Variants in CAMKMT observed in about 807,000 individuals in gnomAD.
CAMKMT encodes CaM KMT.
In CAMKMT, 53 loss-of-function variants were observed where a neutral mutation model predicts 48.0. The observed-to-expected ratio is 1.10, with a 90% CI of 0.89 to 1.39. CAMKMT has a LOEUF of 1.39. Among genes scored for constraint, CAMKMT ranks in the 40% most tolerant of loss-of-function variants. CAMKMT has a pLI of 0.00. For synonymous variants in CAMKMT, 165 were observed against 152.3 expected, an observed-to-expected ratio of 1.08 and a Z score of -0.61; for missense variants, 428 against 402.7, an observed-to-expected ratio of 1.06 and a Z score of -0.54.
At chr2:44,755,632 C>T (rs541632987) in intron 9 of CAMKMT, among the ~76,000 whole-genome samples, 4 of 152,202 alleles carry the variant, frequency 2.6e-5, no homozygotes, top group South Asian at 4.1e-4. Flanking sequence ...GTAAATCATT[C>T]GCATGATTTA....
At chr2:44,396,847 T>G (rs1044208353) in intron 3 of CAMKMT, among the ~76,000 whole-genome samples, 4 of 151,596 alleles carry the variant, frequency 2.6e-5, no homozygotes, top group Admixed American at 6.6e-5. Context: ...GATCACAAGG[T>G]CAGGAGATCG....
chr2:44,553,468 C>G (rs1052286889), intron 3 of CAMKMT, among the ~76,000 whole-genome samples: 36 of 151,142 alleles, frequency 2.4e-4, no homozygotes, highest in Non-Finnish European at 4.6e-4. Flanking sequence ...TCAGGTGATT[C>G]TTGTGTCTAA....
chr2:44,506,625 G>T (rs1212237905), intron 3 of CAMKMT, among the ~76,000 whole-genome samples: 2 of 152,122 alleles, frequency 1.3e-5, no homozygotes, highest in Non-Finnish European at 2.9e-5. Flanking sequence ...GGGACTCTAT[G>T]AATACAGATA....
At position 44,398,552 on chromosome 2, in the gene CAMKMT, T is replaced by TTTTTC; in HGVS notation, c.376+8262_376+8266dup. Among the ~76,000 whole-genome samples, 2 of 138,554 alleles carry TTTTTC rather than the reference T, an allele frequency of 1.4e-5. 1 individual carries two copies. The highest frequency in any genetic ancestry group is 4.0e-4 in the East Asian group (2 of 5,024). The allele number at this position is 138,554 out of a possible 152,430, so 90.9% of individuals were successfully genotyped here. The stretch of plus-strand genomic sequence containing the variant: ...CTTTGTTTTACTTCAGTTTCTTTCT[T>TTTTTC]TTTTCTTTTCTTTTCTTTTTTTTTT... On this transcript the variant is annotated intron_variant, in intron 3 of 10. Transcript: ENST00000378494.
intron 9 of CAMKMT, among the ~76,000 whole-genome samples, chr2:44,759,238 C>T (rs895015424): frequency 6.6e-6 from 1 of 152,166 alleles, no homozygotes; most frequent in Non-Finnish European, 1.5e-5. Flanking sequence ...ATCCTCCTGC[C>T]TCAGCCTCTC....
At position 44,413,947 on chromosome 2, in the gene CAMKMT, A is replaced by G. The variant is rs576835995; in HGVS notation, c.376+23642A>G. ...TGATTTATCCTTGTTTGAGAACTCA[A>G]TACAAGATTCATAGTAATATTTTAG... On this transcript the variant is annotated intron_variant, in intron 3 of 10. Transcript: ENST00000378494. Among the ~76,000 whole-genome samples the G allele has an allele frequency of 3.9e-5, 6 of 152,314 alleles. No individual in the cohort carries two copies. The South Asian group carries it at 1.2e-3, about 32-fold the overall frequency.
chr2:44,462,045 T>C (rs1667874516), intron 3 of CAMKMT, among the ~76,000 whole-genome samples: 1 of 152,202 alleles, frequency 6.6e-6, no homozygotes, highest in Non-Finnish European at 1.5e-5. Context: ...TTTCTCCTTA[T>C]ATCTTTGGAG....
intron 3 of CAMKMT, among the ~76,000 whole-genome samples, chr2:44,502,922 T>C (rs1670076513): frequency 6.6e-6 from 1 of 152,188 alleles, no homozygotes; most frequent in African/African-American, 2.4e-5. Context: ...TTTTAACTCA[T>C]CTAATTATTT....
chr2:44,472,444 T>C lies in CAMKMT; in HGVS notation c.376+82139T>C, dbSNP rs1401122015. On this transcript the variant is annotated intron_variant, in intron 3 of 10. Coordinates refer to ENST00000378494, the MANE Select transcript of CAMKMT (RefSeq NM_024766.5). The stretch of plus-strand genomic sequence containing the variant: ...AAATTGTAGCTATTACTACTGTTGC[T>C]GTGAGGCTCAATCTAATAACTTGTC... Among the ~76,000 whole-genome samples, 5 of 152,250 alleles carry C rather than the reference T, an allele frequency of 3.3e-5. No homozygotes were observed. In the East Asian group the frequency reaches 9.6e-4, roughly 29 times the overall value.
intron 3 of CAMKMT, among the ~76,000 whole-genome samples, chr2:44,555,262 T>G (rs1667944990): frequency 6.6e-6 from 1 of 152,176 alleles, no homozygotes; most frequent in Non-Finnish European, 1.5e-5. Context: ...AGATAAAAAC[T>G]GATTGAGACC....
chr2:44,583,057 A>G (rs1669649565), intron 3 of CAMKMT, among the ~76,000 whole-genome samples: 1 of 152,206 alleles, frequency 6.6e-6, no homozygotes, highest in African/African-American at 2.4e-5. Flanking sequence ...TATAATACAT[A>G]ATAGTCATTA....
intron 2 of CAMKMT, among the ~76,000 whole-genome samples, chr2:44,376,352 T>C (rs72804980): frequency 0.1 from 15,494 of 148,692 alleles, 854 homozygotes; most frequent in African/African-American, 0.12. Context: ...ACGTGGGAGG[T>C]GGAGGTTGCA....
intron 9 of CAMKMT, 131 bp downstream of exon 9, chr2:44,754,249 A>T (rs569380096): frequency 1.5e-6 from 1 of 684,672 alleles, no homozygotes. Flanking sequence ...TCCAACTTCA[A>T]TTGGGTCTTC....
intron 7 of CAMKMT, among the ~76,000 whole-genome samples, chr2:44,732,450 T>G (rs1321332368): frequency 6.6e-6 from 1 of 152,282 alleles, no homozygotes; most frequent in Non-Finnish European, 1.5e-5. Flanking sequence ...CATGATTTGA[T>G]GTCTGGTAGA....
intron 3 of CAMKMT, among the ~76,000 whole-genome samples, chr2:44,609,814 C>G (rs1351440537): frequency 6.6e-6 from 1 of 152,226 alleles, no homozygotes; most frequent in South Asian, 2.1e-4. Context: ...GGGCTCTTAA[C>G]GCCTCCTGCT....
intron 3 of CAMKMT, among the ~76,000 whole-genome samples, chr2:44,507,890 T>C (rs973616890): frequency 1.3e-4 from 20 of 152,174 alleles, no homozygotes; most frequent in African/African-American, 4.8e-4. Flanking sequence ...GCAAGAAACT[T>C]ACCTCGGCAC....
intron 3 of CAMKMT, among the ~76,000 whole-genome samples, chr2:44,485,041 G>A (rs1024631411): frequency 6.6e-6 from 1 of 152,152 alleles, no homozygotes; most frequent in Non-Finnish European, 1.5e-5. Flanking sequence ...CCAACAGAAT[G>A]GTGAAAACTA....
intron 3 of CAMKMT, among the ~76,000 whole-genome samples, chr2:44,512,410 C>T (rs949536078): frequency 6.6e-5 from 10 of 152,106 alleles, no homozygotes; most frequent in Admixed American, 1.3e-4. Context: ...TGAGTGGCAG[C>T]CATTATTATT....
chr2:44,616,229 A>T (rs905415523), intron 3 of CAMKMT, among the ~76,000 whole-genome samples: 1 of 152,118 alleles, frequency 6.6e-6, no homozygotes, highest in Non-Finnish European at 1.5e-5. Flanking sequence ...CAATCTCCAT[A>T]TTCAGCTGAG....
Sources: allele counts gnomAD v4.1 joint callset (sites outside exome capture counted in the v4.1 genomes callset), GRCh38; gene constraint gnomAD v4.1.1; transcripts MANE v1.5; gene names NCBI Gene and HGNC (gene_info 2026-07-23, HGNC 2026-07-21).